The following ERC2 variants were observed in gnomAD, a reference collection of about 807,000 sequenced individuals.
ERC2 encodes the protein ELKS/RAB6-interacting/CAST family member 2.
ERC2 carries 42 observed loss-of-function variants against 114.8 expected under a neutral mutation model. That is an observed-to-expected ratio of 0.37 (90% CI 0.29 to 0.47). The LOEUF (loss-of-function observed/expected upper bound fraction) is 0.47, where lower values mean the gene tolerates loss of function less well. ERC2 is among the 20% of genes least tolerant of loss of function. The probability of loss-of-function intolerance (pLI) is 0.99; values close to 1 mark genes in which losing one functional copy is unlikely to be tolerated. For missense variants in ERC2, 939 were observed against 1,150.7 expected (o/e 0.82, Z 2.66); for synonymous variants, 454 against 425.5 (o/e 1.07, Z -0.82).
chr3:55,893,612 A>G (rs2063710780), intron 13 of ERC2, among the ~76,000 whole-genome samples: 1 of 151,974 alleles, frequency 6.6e-6, no homozygotes, highest in African/African-American at 2.4e-5. Context: ...CACATCCACC[A>G]TTTTGGTCCA....
At chr3:55,921,611 A>G (rs538339213) in intron 13 of ERC2, among the ~76,000 whole-genome samples, 1 of 152,282 alleles carries the variant, frequency 6.6e-6, no homozygotes, top group East Asian at 1.9e-4. Flanking sequence ...ATTATAGCCA[A>G]AGTTGGAAAA....
chr3:56,143,100 A>G (rs950736159), intron 5 of ERC2, among the ~76,000 whole-genome samples: 3 of 152,160 alleles, frequency 2.0e-5, no homozygotes, highest in African/African-American at 7.2e-5. Flanking sequence ...GGAGTCCCCT[A>G]GTCTAAGTGT....
intron 6 of ERC2, among the ~76,000 whole-genome samples, chr3:56,112,588 T>C (rs1316620803): frequency 2.0e-5 from 3 of 152,144 alleles, no homozygotes. Flanking sequence ...TCTGGCTGGT[T>C]GTCATTATTA....
At chr3:56,445,413 G>A (rs560202433) in intron 1 of ERC2, among the ~76,000 whole-genome samples, 11 of 152,096 alleles carry the variant, frequency 7.2e-5, no homozygotes, top group South Asian at 6.2e-4. Context: ...AATCTTCTCC[G>A]TTGTTTCCAC....
intron 14 of ERC2, among the ~76,000 whole-genome samples, chr3:55,764,489 G>A (rs2067646950): frequency 6.6e-6 from 1 of 152,212 alleles, no homozygotes; most frequent in Non-Finnish European, 1.5e-5. Context: ...CAATTGCTAA[G>A]CCCTCAGTTA....
chr3:56,230,394 G>A (rs1262658450), intron 3 of ERC2, among the ~76,000 whole-genome samples: 1 of 152,122 alleles, frequency 6.6e-6, no homozygotes, highest in Non-Finnish European at 1.5e-5. Flanking sequence ...AAGCAGGACT[G>A]CATCCATGTA....
intron 17 of ERC2, among the ~76,000 whole-genome samples, chr3:55,554,433 C>T (rs1458607630): frequency 1.3e-5 from 2 of 152,160 alleles, no homozygotes; most frequent in Non-Finnish European, 2.9e-5. Flanking sequence ...TTGTCTGTTG[C>T]TTTCAAGACA....
rs566666736 is a variant in ERC2, at chr3:56,250,822, G to A, written c.1074+45197C>T. On this transcript the variant is annotated intron_variant, in intron 3 of 17. Transcript: ENST00000288221. ...CTTAAATGGATGTGTGAAATTCCAT[G>A]AACTCCAAGTATGGGACGGGGATCA... 3.9e-5 allele frequency among the ~76,000 whole-genome samples: 6 copies of A among 152,324 alleles called. 1 individual carries two copies. The highest frequency in any genetic ancestry group is 1.9e-4 in the East Asian group (1 of 5,188).
chr3:56,048,788 C>G (rs1001180150), intron 7 of ERC2, among the ~76,000 whole-genome samples: 21 of 152,144 alleles, frequency 1.4e-4, no homozygotes, highest in Admixed American at 5.2e-4. Flanking sequence ...CAACGGGGGA[C>G]ACAGTCAATA....
At chr3:56,178,262 T>G (rs558544903) in intron 3 of ERC2, among the ~76,000 whole-genome samples, 111 of 152,312 alleles carry the variant, frequency 7.3e-4, no homozygotes, top group African/African-American at 2.6e-3. Flanking sequence ...AAGTAAAAAC[T>G]TAACTTTCAT....
intron 7 of ERC2, among the ~76,000 whole-genome samples, chr3:56,043,317 T>C (rs2075292769): frequency 6.6e-6 from 1 of 152,164 alleles, no homozygotes; most frequent in African/African-American, 2.4e-5. Flanking sequence ...GTGGCAAAAG[T>C]ACATTTGCAC....
chr3:55,634,385 G>C (rs563513551), intron 17 of ERC2, among the ~76,000 whole-genome samples: 1 of 151,982 alleles, frequency 6.6e-6, no homozygotes, highest in Non-Finnish European at 1.5e-5. Context: ...CTATTTCTAC[G>C]ATCTTGGCCA....
chr3:55,727,519 T>C (rs2064995079), intron 15 of ERC2, among the ~76,000 whole-genome samples: 2 of 152,208 alleles, frequency 1.3e-5, no homozygotes, highest in Admixed American at 6.5e-5. Flanking sequence ...CTTTATACCA[T>C]GCTCAGCCTA....
At chr3:55,675,894 CTTTTCTTTCTTTTTTTTTTT>C (rs1434637119) in intron 17 of ERC2, among the ~76,000 whole-genome samples, 22 of 70,504 alleles carry the variant, frequency 3.1e-4, no homozygotes, top group Non-Finnish European at 5.1e-4. Context: ...CTTTCTTTCT[CTTTTCTTTCTTTTTTTTTTT>C]TTTTTTTTTT....
intron 2 of ERC2, among the ~76,000 whole-genome samples, chr3:56,327,173 A>T (rs2057399816): frequency 6.6e-6 from 1 of 152,218 alleles, no homozygotes; most frequent in African/African-American, 2.4e-5. Context: ...TAATTTATAA[A>T]GGAAAGAGGT....
At chr3:56,053,268 C>G (rs549627578) in intron 7 of ERC2, among the ~76,000 whole-genome samples, 60 of 152,252 alleles carry the variant, frequency 3.9e-4, no homozygotes, top group Admixed American at 7.2e-4. Flanking sequence ...GTAAACTGAA[C>G]AACCAGACCC....
chr3:56,271,829 A>G (rs111268841), intron 3 of ERC2, among the ~76,000 whole-genome samples: 4 of 152,116 alleles, frequency 2.6e-5, no homozygotes, highest in African/African-American at 9.7e-5. Context: ...ACTCAGTGTT[A>G]TAAGTGAGAA....
rs75373985 is a variant in ERC2, at chr3:56,060,932, T to C, written c.1641+19885A>G. Among the ~76,000 whole-genome samples, 49 of 152,278 alleles carry C rather than the reference T, an allele frequency of 3.2e-4. No individual in the cohort carries two copies. In the East Asian group the frequency reaches 6.8e-3, roughly 21 times the overall value. ...CTTTCTTTAATCTTGCACATCCACC[T>C]AGAAAACGATAAAGATGGCCTGGCA... is the stretch of plus-strand genomic sequence containing the variant. On this transcript the variant is annotated intron_variant, in intron 7 of 17. Transcript: ENST00000288221.
intron 14 of ERC2, among the ~76,000 whole-genome samples, chr3:55,839,364 A>C (rs545313773): frequency 6.6e-6 from 1 of 151,966 alleles, no homozygotes; most frequent in South Asian, 2.1e-4. Context: ...ATGTAATACC[A>C]AACGGATATT....
Sources: allele counts gnomAD v4.1 joint callset (sites outside exome capture counted in the v4.1 genomes callset), GRCh38; gene constraint gnomAD v4.1.1; transcripts MANE v1.5; gene names NCBI Gene and HGNC (gene_info 2026-07-23, HGNC 2026-07-21).